Variants in KANK1 observed in about 807,000 individuals in gnomAD.
The protein encoded by KANK1 is KN motif and ankyrin repeat domains 1.
Under a neutral mutation model 106.2 loss-of-function variants are expected in KANK1, and 109 were observed. That is an observed-to-expected ratio of 1.03 (90% CI 0.88 to 1.20). The LOEUF is 1.20. Ranked by LOEUF, KANK1 falls within the 50% of genes most tolerant of loss-of-function variation. The pLI is 0.00. For synonymous variants in KANK1, 873 were observed against 652.2 expected, an observed-to-expected ratio of 1.34 and a Z score of -5.16; for missense variants, 2,399 against 1,710.7, an observed-to-expected ratio of 1.40 and a Z score of -7.10.
In KANK1 at chr9:490,011, C is replaced by T. The variant is rs116078613; in HGVS notation, c.-362+16738C>T. On this transcript the variant is annotated intron_variant, in intron 3 of 15. Coordinates refer to the KANK1 transcript ENST00000382303. The stretch of plus-strand genomic sequence containing the variant: ...TTCATTCATTATGAAATGTCATTTG[C>T]TTAACTGACTTTTTTGACGTTAAAG... Among the ~76,000 whole-genome samples the T allele has an allele frequency of 2.1e-3, 326 of 152,214 alleles. 1 individual carries two copies. The highest frequency in any genetic ancestry group is 7.1e-3 in the African/African-American group (295 of 41,544).
chr9:681,758 C>T (rs1293463120), intron 2 of KANK1, among the ~76,000 whole-genome samples: 1 of 152,084 alleles, frequency 6.6e-6, no homozygotes, highest in East Asian at 1.9e-4. Flanking sequence ...ATATTGGGGC[C>T]AGAGTTGTAT....
intron 3 of KANK1, among the ~76,000 whole-genome samples, chr9:491,739 A>C (rs1213087055): frequency 6.6e-6 from 1 of 152,210 alleles, no homozygotes; most frequent in Non-Finnish European, 1.5e-5. Context: ...CCCAAATCTC[A>C]TCTTGAATTA....
intron 3 of KANK1, among the ~76,000 whole-genome samples, chr9:498,195 C>T (rs2058487702): frequency 6.6e-6 from 1 of 152,174 alleles, no homozygotes; most frequent in Admixed American, 6.5e-5. Context: ...TGGGGAGATT[C>T]AACAGTTGGG....
chr9:489,271 C>G (rs192111453), intron 3 of KANK1, among the ~76,000 whole-genome samples: 5 of 152,196 alleles, frequency 3.3e-5, no homozygotes, highest in Admixed American at 2.6e-4. Flanking sequence ...TTTGGAAAGG[C>G]CTTTCTGATC....
At chr9:553,962 A>T (rs940632945) in intron 1 of KANK1, among the ~76,000 whole-genome samples, 2 of 152,252 alleles carry the variant, frequency 1.3e-5, no homozygotes, top group Non-Finnish European at 2.9e-5. Flanking sequence ...GTTAAAACAC[A>T]GATAGCTGGG....
intron 1 of KANK1, among the ~76,000 whole-genome samples, chr9:519,670 T>C (rs2059457641): frequency 6.6e-6 from 1 of 151,762 alleles, no homozygotes; most frequent in Admixed American, 6.6e-5. Context: ...AGGAGACTGG[T>C]ATGCCAGTTA....
At chr9:586,266 A>G (rs557651315) in intron 1 of KANK1, among the ~76,000 whole-genome samples, 1 of 152,222 alleles carries the variant, frequency 6.6e-6, no homozygotes, top group Non-Finnish European at 1.5e-5. Flanking sequence ...TGTTGAGACC[A>G]GTTCTTCATT....
intron 10 of KANK1, among the ~76,000 whole-genome samples, chr9:743,754 G>A (rs1047033081): frequency 3.3e-5 from 5 of 152,106 alleles, no homozygotes; most frequent in African/African-American, 4.8e-5. Context: ...CTCAGATACC[G>A]TGGTGGTTGA....
At chr9:553,426 T>C (rs916856081) in intron 1 of KANK1, among the ~76,000 whole-genome samples, 10 of 152,146 alleles carry the variant, frequency 6.6e-5, no homozygotes, top group Non-Finnish European at 1.2e-4. Context: ...TTGGGGAAAC[T>C]GAGGCTTAAA....
intron 1 of KANK1, among the ~76,000 whole-genome samples, chr9:505,953 C>G (rs1464360976): frequency 6.6e-6 from 1 of 152,162 alleles, no homozygotes; most frequent in Non-Finnish European, 1.5e-5. Context: ...TGTTCATCTG[C>G]CAGTTTCTCC....
At chr9:603,045 C>T (rs1017714452) in intron 1 of KANK1, among the ~76,000 whole-genome samples, 1 of 151,780 alleles carries the variant, frequency 6.6e-6, no homozygotes, top group African/African-American at 2.4e-5. Context: ...CATTTGTGGG[C>T]CTTACCACCT....
chr9:711,027 T>A lies in KANK1; in HGVS notation c.261T>A (p.Thr87=). The A allele has an allele frequency of 1.2e-6, 2 of 1,614,180 alleles. No homozygotes were observed. The highest frequency in any genetic ancestry group is 1.7e-6 in the Non-Finnish European group (2 of 1,180,042). Residue 87 remains threonine, a synonymous_variant, in exon 3 of 12, where the codon ACT becomes ACA. Coordinates refer to ENST00000382297, the MANE Select transcript of KANK1 (RefSeq NM_015158.5). ...RTTSGQQGIW[T]STESLSSSNS... is the part of the protein sequence containing the mutation. ...CATCTGGTCAGCAAGGTATATGGAC[T>A]TCCACTGAATCCCTCTCATCCTCCA...
intron 1 of KANK1, among the ~76,000 whole-genome samples, chr9:628,127 G>T (rs1232000739): frequency 1.3e-5 from 2 of 152,124 alleles, no homozygotes; most frequent in African/African-American, 4.8e-5. Context: ...TCTTATTGAT[G>T]AGGAATTGAA....
At chr9:519,261 G>A (rs2059441295) in intron 1 of KANK1, among the ~76,000 whole-genome samples, 1 of 151,716 alleles carries the variant, frequency 6.6e-6, no homozygotes, top group African/African-American at 2.4e-5. Context: ...ACAGCCTCTG[G>A]ATATCAAGAT....
Position 720,042 on chromosome 9 carries a change from C to T in KANK1, c.2698+6578C>T, listed in dbSNP as rs561353830. 2.6e-5 allele frequency among the ~76,000 whole-genome samples: 4 copies of T among 152,318 alleles called. No homozygotes were observed. In the East Asian group the frequency reaches 5.8e-4, roughly 22 times the overall value. The stretch of plus-strand genomic sequence containing the variant: ...ATAATTATAAAAGCTAAGTGCACTT[C>T]GGAATGATAATTAATGCATCAAAGG... On this transcript the variant is annotated intron_variant, in intron 3 of 11. Coordinates refer to ENST00000382297, the MANE Select transcript of KANK1 (RefSeq NM_015158.5).
intron 1 of KANK1, among the ~76,000 whole-genome samples, chr9:533,048 G>A (rs916147157): frequency 2.6e-4 from 40 of 152,144 alleles, no homozygotes; most frequent in African/African-American, 8.9e-4. Flanking sequence ...TCTTTGAAGA[G>A]GAAAGCACTT....
Position 738,395 on chromosome 9 carries a change from A to C in KANK1, c.3444A>C (p.Pro1148=). 1 of 1,614,116 alleles carries C rather than the reference A, an allele frequency of 6.2e-7. No homozygotes were observed. The highest frequency in any genetic ancestry group is 8.5e-7 in the Non-Finnish European group (1 of 1,180,014). Residue 1148 remains proline (P), a synonymous_variant, in exon 8 of 12, where the codon CCA becomes CCC. Transcript: ENST00000382297. ...DYIAAFEAIS[P]DVLRYVINLA... is the part of the protein sequence containing the mutation. ...TAGCTGCTTTTGAGGCCATTTCCCC[A>C]GATGTCCTCCGCTATGTCATCAACT...
At chr9:479,253 C>G (rs2058161716) in intron 3 of KANK1, among the ~76,000 whole-genome samples, 1 of 152,238 alleles carries the variant, frequency 6.6e-6, no homozygotes, top group Admixed American at 6.5e-5. Context: ...TTAGTCAAAA[C>G]TCTTGTCATT....
intron 1 of KANK1, among the ~76,000 whole-genome samples, chr9:572,150 A>ATTTT (rs35843652): frequency 4.6e-4 from 51 of 111,342 alleles, no homozygotes; most frequent in Middle Eastern, 4.8e-3. Context: ...ATAAACAGTG[A>ATTTT]TTTTTTTTTT....
Sources: gnomAD v4.1 joint callset for allele counts (sites outside exome capture counted in the v4.1 genomes callset) on GRCh38, gnomAD v4.1.1 for gene constraint, MANE v1.5 for transcripts, NCBI Gene and HGNC (gene_info 2026-07-23, HGNC 2026-07-21) for gene names.